Variants in FAF2 observed in about 807,000 individuals in gnomAD.
The protein encoded by FAF2 is FAS-associated factor 2.
FAF2 carries 9 observed loss-of-function variants against 62.3 expected under a neutral mutation model. The ratio of observed to expected loss-of-function variants is 0.14; its 90% confidence interval spans 0.09 to 0.25. The LOEUF (loss-of-function observed/expected upper bound fraction) is 0.25. FAF2 is among the 10% of genes least tolerant of loss of function. The pLI is 1.00. For synonymous variants in FAF2, 202 were observed against 198.0 expected (o/e 1.02, Z -0.17); for missense variants, 368 against 556.2 (o/e 0.66, Z 3.40).
At chr5:176,470,837 A>C (rs1399684654) in intron 1 of FAF2, among the ~76,000 whole-genome samples, 5 of 152,220 alleles carry the variant, frequency 3.3e-5, no homozygotes, top group Admixed American at 3.3e-4. Flanking sequence ...AATGTGATGA[A>C]ATAGTGTTTT....
At chr5:176,470,565 C>T (rs1057027240) in intron 1 of FAF2, among the ~76,000 whole-genome samples, 2 of 152,204 alleles carry the variant, frequency 1.3e-5, no homozygotes, top group African/African-American at 2.4e-5. Flanking sequence ...CAACAAAGAG[C>T]GAAACTCTGT....
chr5:176,468,517 C>G (rs1758509816), intron 1 of FAF2, among the ~76,000 whole-genome samples: 1 of 151,836 alleles, frequency 6.6e-6, no homozygotes, highest in South Asian at 2.1e-4. Flanking sequence ...CCGGGAGGCG[C>G]AGCTTGCAGT....
At chr5:176,451,892 ATTTTTTTTTTT>A (rs1174600881) in intron 1 of FAF2, among the ~76,000 whole-genome samples, 491 of 21,632 alleles carry the variant, frequency 0.023, 27 homozygotes, top group East Asian at 0.089. Flanking sequence ...ATATATATAT[ATTTTTTTTTTT>A]TTTTTTTTTT....
intron 1 of FAF2, among the ~76,000 whole-genome samples, chr5:176,477,539 T>C (rs1280202134): frequency 6.6e-6 from 1 of 152,166 alleles, no homozygotes; most frequent in Non-Finnish European, 1.5e-5. Flanking sequence ...CCTGTAATGG[T>C]CAGGACCTAA....
intron 1 of FAF2, among the ~76,000 whole-genome samples, chr5:176,476,865 A>G (rs1758703359): frequency 7.3e-6 from 1 of 136,130 alleles, no homozygotes; most frequent in Admixed American, 8.2e-5. Flanking sequence ...GCTGGAGTGC[A>G]GTGGCGCTAT....
chr5:176,482,675 ATATTT>A (rs1291307172), intron 2 of FAF2, among the ~76,000 whole-genome samples: 1 of 152,050 alleles, frequency 6.6e-6, no homozygotes, highest in Non-Finnish European at 1.5e-5. Flanking sequence ...CATCCAGCTA[ATATTT>A]TATTTTTTTA....
chr5:176,477,947 G>A (rs930679120), intron 1 of FAF2, among the ~76,000 whole-genome samples: 2 of 152,176 alleles, frequency 1.3e-5, no homozygotes, highest in Non-Finnish European at 2.9e-5. Context: ...GTTTCTTGAG[G>A]ATAGAGACTA....
At chr5:176,501,100 C>T (rs978033625) in intron 10 of FAF2, among the ~76,000 whole-genome samples, 3 of 151,810 alleles carry the variant, frequency 2.0e-5, no homozygotes, top group African/African-American at 7.3e-5. Flanking sequence ...GCACTCCAGC[C>T]CGGGCAACAG....
chr5:176,455,969 GTCTCAT>G (rs1472678120), intron 1 of FAF2, among the ~76,000 whole-genome samples: 2 of 151,084 alleles, frequency 1.3e-5, no homozygotes, highest in Non-Finnish European at 2.9e-5. Context: ...TTAGTTATGG[GTCTCAT>G]TCTCATTGGG....
chr5:176,479,614 T>G (rs892385181), intron 2 of FAF2, among the ~76,000 whole-genome samples: 1 of 152,244 alleles, frequency 6.6e-6, no homozygotes, highest in African/African-American at 2.4e-5. Flanking sequence ...TCTGCAACTC[T>G]TCTCCTTGAC....
intron 1 of FAF2, among the ~76,000 whole-genome samples, chr5:176,478,081 G>T (rs934805084): frequency 6.6e-6 from 1 of 152,214 alleles, no homozygotes; most frequent in African/African-American, 2.4e-5. Flanking sequence ...TTTTATATTA[G>T]ACTTTGAAGG....
chr5:176,458,762 T>A (rs1758324193), intron 1 of FAF2, among the ~76,000 whole-genome samples: 1 of 152,092 alleles, frequency 6.6e-6, no homozygotes, highest in African/African-American at 2.4e-5. Flanking sequence ...AGCATAAAAT[T>A]TTTCTTTGTA....
intron 3 of FAF2, among the ~76,000 whole-genome samples, chr5:176,486,763 GTTTAC>G (rs1237664134): frequency 1.3e-5 from 2 of 152,126 alleles, no homozygotes; most frequent in Middle Eastern, 3.4e-3. Flanking sequence ...TGTTGCTTCA[GTTTAC>G]TTAATCTTAA....
At chr5:176,498,768 G>T (rs766750112) in intron 8 of FAF2, 146 bp from the exon 9 acceptor site, 22 of 677,950 alleles carry the variant, frequency 3.2e-5, no homozygotes, top group Non-Finnish European at 4.0e-5. Flanking sequence ...TCTGCTTTTG[G>T]AATCCCTTAT....
rs1272202522 is a variant in FAF2 at position 176,507,176 on chromosome 5, C to G, written c.*226C>G. 1 of 364,936 alleles carries G rather than the reference C, an allele frequency of 2.7e-6. No individual in the cohort carries two copies. Among genetic ancestry groups the G allele is most frequent in the East Asian group, 7.7e-5 (1 of 12,998 alleles). The allele number at this position is 364,936 out of a possible 1,614,324, so 22.6% of individuals were successfully genotyped here. A position where few individuals can be genotyped will look rare whatever the true frequency, so the allele number is the denominator to read the frequency against. ...GTGTGCGCGCAAGGTTAGCAACAAA[C>G]GTACCCGCTTGGCAAGCCCACCCTT... On this transcript the variant is annotated 3_prime_UTR_variant, in exon 11 of 11. Coordinates refer to ENST00000261942, the MANE Select transcript of FAF2 (RefSeq NM_014613.3).
intron 1 of FAF2, among the ~76,000 whole-genome samples, chr5:176,448,866 C>T (rs1178909349): frequency 6.6e-6 from 1 of 152,206 alleles, no homozygotes. Flanking sequence ...GACAGGAAAA[C>T]CTCCTGCCAG....
intron 10 of FAF2, among the ~76,000 whole-genome samples, chr5:176,506,206 AC>A (rs370295140): frequency 3.1e-4 from 46 of 150,210 alleles, no homozygotes; most frequent in Middle Eastern, 3.4e-3. Flanking sequence ...AAAAAAAAAA[AC>A]AAAAAAAAAA....
At chr5:176,491,054 G>A (rs1233148705) in intron 4 of FAF2, among the ~76,000 whole-genome samples, 1 of 152,172 alleles carries the variant, frequency 6.6e-6, no homozygotes, top group Admixed American at 6.5e-5. Context: ...TACACAGGGG[G>A]AATTTGTTGG....
chr5:176,460,077 G>A (rs1717430877), intron 1 of FAF2, among the ~76,000 whole-genome samples: 1 of 152,128 alleles, frequency 6.6e-6, no homozygotes, highest in Non-Finnish European at 1.5e-5. Context: ...TCTTTTTTAT[G>A]AGTGCGTGGT....
Sources: gnomAD v4.1 joint callset for allele counts (sites outside exome capture counted in the v4.1 genomes callset) on GRCh38, gnomAD v4.1.1 for gene constraint, MANE v1.5 for transcripts, NCBI Gene and HGNC (gene_info 2026-07-23, HGNC 2026-07-21) for gene names.